Variants in PTPRT observed in about 807,000 individuals in gnomAD.
PTPRT encodes the protein protein tyrosine phosphatase receptor type T, also known as receptor-type tyrosine-protein phosphatase T.
A neutral mutation model predicts 176.8 loss-of-function variants in PTPRT; 56 were observed. The observed-to-expected ratio is 0.32, with a 90% CI of 0.26 to 0.40. The LOEUF is 0.40. Among genes scored for constraint, PTPRT ranks in the 10% least tolerant of loss-of-function variants. The pLI is 1.00. For synonymous variants in PTPRT, 783 were observed against 739.0 expected (o/e 1.06, Z -0.96); for missense variants, 1,540 against 1,908.2 (o/e 0.81, Z 3.60).
chr20:42,376,676 T>C (rs1431742264), intron 9 of PTPRT, among the ~76,000 whole-genome samples: 1 of 152,044 alleles, frequency 6.6e-6, no homozygotes. Flanking sequence ...GCAGTGTTCA[T>C]GACATGAAAT....
chr20:42,846,066 T>C (rs1366541592), intron 2 of PTPRT, among the ~76,000 whole-genome samples: 1 of 152,078 alleles, frequency 6.6e-6, no homozygotes, highest in Non-Finnish European at 1.5e-5. Context: ...CTTACCACCA[T>C]CACGCCCACC....
At chr20:42,742,790 A>G (rs2076631180) in intron 6 of PTPRT, among the ~76,000 whole-genome samples, 2 of 152,352 alleles carry the variant, frequency 1.3e-5, no homozygotes, top group South Asian at 4.1e-4. Context: ...CTCAGAAAAC[A>G]TGAGGCAAGA....
chr20:42,382,184 T>C (rs1307183410), intron 9 of PTPRT, among the ~76,000 whole-genome samples: 1 of 152,228 alleles, frequency 6.6e-6, no homozygotes, highest in East Asian at 1.9e-4. Flanking sequence ...CAAATGATTT[T>C]ACTGGTGAGC....
At chr20:42,677,434 C>G (rs1276990203) in intron 7 of PTPRT, among the ~76,000 whole-genome samples, 1 of 151,980 alleles carries the variant, frequency 6.6e-6, no homozygotes, top group Non-Finnish European at 1.5e-5. Flanking sequence ...AGAAACAGAG[C>G]CAGGAACCCT....
At chr20:43,180,200 A>G (rs2015215903) in intron 1 of PTPRT, among the ~76,000 whole-genome samples, 1 of 152,274 alleles carries the variant, frequency 6.6e-6, no homozygotes, top group South Asian at 2.1e-4. Flanking sequence ...TTCAGACTCA[A>G]GTCAGAGCCT....
At chr20:42,354,062 T>TA (rs143838124) in intron 9 of PTPRT, among the ~76,000 whole-genome samples, 21,473 of 150,012 alleles carry the variant, frequency 0.14, 1,862 homozygotes, top group South Asian at 0.22. Context: ...TCTAAAAAAT[T>TA]AAAAAAAAAA....
At chr20:42,836,661 G>A (rs962467219) in intron 2 of PTPRT, among the ~76,000 whole-genome samples, 5 of 152,154 alleles carry the variant, frequency 3.3e-5, no homozygotes, top group African/African-American at 1.2e-4. Context: ...ACAGCCCTGG[G>A]TTTGAATCCT....
chr20:42,743,956 A>T (rs964894976), intron 6 of PTPRT, among the ~76,000 whole-genome samples: 24 of 151,926 alleles, frequency 1.6e-4, no homozygotes, highest in African/African-American at 5.6e-4. Context: ...CTTTTACTCT[A>T]CCTCCTTTTC....
At chr20:42,633,027 T>C (rs149813297) in intron 7 of PTPRT, among the ~76,000 whole-genome samples, 1 of 152,152 alleles carries the variant, frequency 6.6e-6, no homozygotes, top group East Asian at 1.9e-4. Context: ...TAAGAGTGCT[T>C]TTTGAGAATG....
chr20:43,047,775 A>C lies in PTPRT; in HGVS notation c.88+141871T>G, dbSNP rs368178714. ...AGCTTACTCACTCTGTGCCAGGTAG[A>C]GCTCTGCAATAATTACCTCAATTAA... is the stretch of plus-strand genomic sequence containing the variant. On this transcript the variant is annotated intron_variant, in intron 1 of 30. Coordinates refer to ENST00000373187, the MANE Select transcript of PTPRT (RefSeq NM_007050.6). 4.6e-5 allele frequency among the ~76,000 whole-genome samples: 7 copies of C among 152,314 alleles called. No homozygotes were observed. In the East Asian group the frequency reaches 7.7e-4, roughly 17 times the overall value.
At chr20:42,781,363 C>T (rs1026852246) in intron 3 of PTPRT, among the ~76,000 whole-genome samples, 8 of 152,146 alleles carry the variant, frequency 5.3e-5, no homozygotes, top group Non-Finnish European at 8.8e-5. Context: ...CAGACACCCA[C>T]ATCTTCAAGA....
At chr20:42,701,157 A>C (rs2075968803) in intron 6 of PTPRT, among the ~76,000 whole-genome samples, 2 of 152,146 alleles carry the variant, frequency 1.3e-5, no homozygotes, top group Non-Finnish European at 2.9e-5. Flanking sequence ...GCCATCCGTA[A>C]GTTATAATCA....
chr20:42,243,531 T>C (rs940634673), intron 14 of PTPRT, among the ~76,000 whole-genome samples: 8 of 152,140 alleles, frequency 5.3e-5, no homozygotes, highest in East Asian at 1.9e-4. Context: ...CAGAGTGTGA[T>C]AGGAACTTTG....
chr20:42,962,254 A>C (rs1043730925), intron 1 of PTPRT, among the ~76,000 whole-genome samples: 3 of 152,216 alleles, frequency 2.0e-5, no homozygotes, highest in African/African-American at 7.2e-5. Flanking sequence ...TTGAGGCATT[A>C]ATGTTGAACA....
chr20:42,533,491 T>C (rs2072422706), intron 7 of PTPRT, among the ~76,000 whole-genome samples: 1 of 151,940 alleles, frequency 6.6e-6, no homozygotes, highest in Non-Finnish European at 1.5e-5. Flanking sequence ...TGGCACACAA[T>C]GGGCAGTGTG....
At chr20:42,280,742 G>T (rs1240726116) in intron 13 of PTPRT, among the ~76,000 whole-genome samples, 1 of 152,164 alleles carries the variant, frequency 6.6e-6, no homozygotes, top group African/African-American at 2.4e-5. Context: ...CTCTAGAGAA[G>T]CCCAGCAGGG....
intron 2 of PTPRT, among the ~76,000 whole-genome samples, chr20:42,883,704 A>ACCCC (rs1568658118): frequency 1.7e-4 from 23 of 136,498 alleles, no homozygotes; most frequent in South Asian, 5.0e-4. Context: ...CCTCCCATAC[A>ACCCC]CCCCCATACA....
chr20:42,093,113 TG>T (rs1434765087), intron 27 of PTPRT, among the ~76,000 whole-genome samples: 1 of 152,192 alleles, frequency 6.6e-6, no homozygotes, highest in Admixed American at 6.5e-5. Flanking sequence ...CCCCACCCTT[TG>T]GCTGGCATGC....
chr20:42,084,158 C>T (rs1983637564), intron 29 of PTPRT, among the ~76,000 whole-genome samples: 2 of 152,204 alleles, frequency 1.3e-5, no homozygotes, highest in African/African-American at 4.8e-5. Flanking sequence ...AGCCACTGTC[C>T]TCTCGAGGTC....
Sources: gnomAD v4.1 joint callset for allele counts (sites outside exome capture counted in the v4.1 genomes callset) on GRCh38, gnomAD v4.1.1 for gene constraint, MANE v1.5 for transcripts, NCBI Gene and HGNC (gene_info 2026-07-23, HGNC 2026-07-21) for gene names.